Variants in TTC19 observed in about 807,000 individuals in gnomAD.
The protein encoded by TTC19 is tetratricopeptide repeat protein 19, mitochondrial.
TTC19 carries 38 observed loss-of-function variants against 49.5 expected under a neutral mutation model. The observed-to-expected ratio is 0.77, with a 90% CI of 0.59 to 1.01. The LOEUF (loss-of-function observed/expected upper bound fraction) is 1.01, where lower values mean the gene tolerates loss of function less well. TTC19 is among the 50% of genes least tolerant of loss of function. The pLI is 0.00. For synonymous variants in TTC19, 204 were observed against 185.2 expected (o/e 1.10, Z -0.83); for missense variants, 475 against 477.7 (o/e 0.99, Z 0.05).
intron 4 of TTC19, 132 bp downstream of exon 4, chr17:16,002,963 T>C (rs1970787225): frequency 1.1e-6 from 1 of 878,902 alleles, no homozygotes. Flanking sequence ...AAGATAAAAG[T>C]GTATTTCTCT....
intron 2 of TTC19, chr17:16,000,485 A>G: frequency 8.4e-7 from 1 of 1,187,968 alleles, no homozygotes; most frequent in Non-Finnish European, 1.1e-6. Flanking sequence ...ATGGCGCCCT[A>G]GGCATCACGC....
downstream of TTC19, chr17:16,032,052 C>G (rs1039598045): frequency 6.5e-6 from 3 of 461,564 alleles, no homozygotes; most frequent in African/African-American, 6.1e-5. Flanking sequence ...CTCTACATCT[C>G]AACCCTCCAC....
intron 2 of TTC19, among the ~76,000 whole-genome samples, chr17:16,001,125 C>A (rs1597447949): frequency 6.6e-6 from 1 of 152,216 alleles, no homozygotes; most frequent in East Asian, 1.9e-4. Flanking sequence ...AATCTATTCT[C>A]CATGCAGAAA....
chr17:16,040,624 A>C, intron 2 of TTC19: 1 of 830,958 alleles, frequency 1.2e-6, no homozygotes, highest in Non-Finnish European at 1.9e-6. Flanking sequence ...TTTCTCACCC[A>C]TTAAGTGAAG....
chr17:16,002,919 T>A, intron 4 of TTC19, 88 bp downstream of exon 4: 1 of 1,225,360 alleles, frequency 8.2e-7, no homozygotes, highest in Non-Finnish European at 1.2e-6. Context: ...TAAGCTGCTA[T>A]AACAAAGAGA....
chr17:16,014,985 T>C (rs1971172435), intron 7 of TTC19, among the ~76,000 whole-genome samples: 1 of 152,236 alleles, frequency 6.6e-6, no homozygotes, highest in African/African-American at 2.4e-5. Context: ...TTAGTACCTG[T>C]GTAGTGCTGG....
Position 16,004,278 on chromosome 17 carries a change from AG to A in TTC19, c.581+19del, listed in dbSNP as rs1970828320. 9.3e-6 allele frequency: 15 copies of A among 1,612,718 alleles called. No homozygotes were observed. The highest frequency in any genetic ancestry group is 1.2e-5 in the Non-Finnish European group (14 of 1,178,644). ...CGCAGAACAGGTAAGTACAGCAGCC[AG>A]GGAGTAGGACTGTGGGCAGGAAACT... On this transcript the variant is annotated intron_variant, in intron 6 of 9. Coordinates refer to ENST00000261647, the MANE Select transcript of TTC19 (RefSeq NM_017775.4).
chr17:16,041,558 C>G (rs2057640892), intron 2 of TTC19, among the ~76,000 whole-genome samples: 1 of 150,846 alleles, frequency 6.6e-6, no homozygotes, highest in African/African-American at 2.4e-5. Context: ...GGATTATAGG[C>G]CCCCCGCCAC....
Position 16,025,087 on chromosome 17 carries a change from C to T in TTC19, c.747C>T (p.Phe249=). 1 of 1,613,976 alleles carries T rather than the reference C, an allele frequency of 6.2e-7. No homozygotes were observed. The highest frequency in any genetic ancestry group is 8.5e-7 in the Non-Finnish European group (1 of 1,179,878). The change falls in exon 8 of 10, where the codon TTC becomes TTT. Residue 249 remains phenylalanine (F), a synonymous_variant. Coordinates refer to ENST00000261647, the MANE Select transcript of TTC19 (RefSeq NM_017775.4). ...ACGCCTGTGCTCGCTACCTTCTGTT[C>T]TCCAAGCAGCCGTCACAGGCACAAA... ...CLDACARYLL[F]SKQPSQAQRM...
chr17:16,030,458 AATT>A (rs1024499643), downstream of TTC19: 4 of 207,322 alleles, frequency 1.9e-5, no homozygotes, highest in Non-Finnish European at 3.9e-5. Context: ...TGGCAATATA[AATT>A]ATTAACAAAC....
At chr17:16,022,362 T>A (rs181041154) in intron 7 of TTC19, among the ~76,000 whole-genome samples, 1 of 151,854 alleles carries the variant, frequency 6.6e-6, no homozygotes, top group East Asian at 1.9e-4. Flanking sequence ...GTTTCATCTA[T>A]AGTGTTACGT....
intron 2 of TTC19, among the ~76,000 whole-genome samples, chr17:16,037,685 T>C (rs972224203): frequency 1.3e-5 from 2 of 152,140 alleles, no homozygotes; most frequent in Non-Finnish European, 2.9e-5. Flanking sequence ...AGAAATAATA[T>C]GTAAAGGAAA....
chr17:16,027,229 TG>T, intron 9 of TTC19, 144 bp from the exon 10 acceptor site: 1 of 905,324 alleles, frequency 1.1e-6, no homozygotes, highest in Non-Finnish European at 1.7e-6. Flanking sequence ...GCCTGTCAGA[TG>T]GGGATGAAAT....
intron 7 of TTC19, among the ~76,000 whole-genome samples, chr17:16,010,167 ATTT>A (rs1201745186): frequency 2.8e-5 from 3 of 108,212 alleles, no homozygotes; most frequent in Admixed American, 1.1e-4. Flanking sequence ...TTAATTTTTA[ATTT>A]TTTTTTTTTT....
At chr17:16,015,880 A>G (rs1971199454) in intron 7 of TTC19, among the ~76,000 whole-genome samples, 1 of 152,084 alleles carries the variant, frequency 6.6e-6, no homozygotes, top group Non-Finnish European at 1.5e-5. Flanking sequence ...TGGCACCTAT[A>G]TTTTACTATT....
At chr17:16,032,844 C>G (rs1466860342), downstream of TTC19, among the ~76,000 whole-genome samples, 1 of 152,158 alleles carries the variant, frequency 6.6e-6, no homozygotes, top group Non-Finnish European at 1.5e-5. Context: ...AAGAGAAATG[C>G]AAGAGTATAG....
Position 16,024,599 on chromosome 17 carries a change from C to T in TTC19, c.677-418C>T, listed in dbSNP as rs968088884. ...TGATTACAGGTGTGAGCCACCGCGC[C>T]CGGCCTTTACGTTGAATTCTTTAAA... On this transcript the variant is annotated intron_variant, in intron 7 of 9. Coordinates refer to ENST00000261647, the MANE Select transcript of TTC19 (RefSeq NM_017775.4). 4 of 258,884 alleles carry T rather than the reference C, an allele frequency of 1.5e-5. No individual in the cohort carries two copies. The Admixed American group carries it at 2.1e-4, about 13-fold the overall frequency. 16.0% of individuals were successfully genotyped at this position (258,884 alleles called of 1,614,324 possible). A position where few individuals can be genotyped will look rare whatever the true frequency, so the allele number is the denominator to read the frequency against.
chr17:16,025,914 C>T (rs1244836408), intron 8 of TTC19, among the ~76,000 whole-genome samples: 1 of 152,072 alleles, frequency 6.6e-6, no homozygotes, highest in Non-Finnish European at 1.5e-5. Flanking sequence ...TATGAAGAGT[C>T]CCTTAATGGA....
intron 7 of TTC19, among the ~76,000 whole-genome samples, chr17:16,020,133 G>C (rs1971327924): frequency 6.6e-6 from 1 of 152,086 alleles, no homozygotes; most frequent in Admixed American, 6.6e-5. Context: ...AAACCAAATT[G>C]CTGATCAAAG....
Sources: gnomAD v4.1 joint callset for allele counts (sites outside exome capture counted in the v4.1 genomes callset) on GRCh38, gnomAD v4.1.1 for gene constraint, MANE v1.5 for transcripts, NCBI Gene and HGNC (gene_info 2026-07-23, HGNC 2026-07-21) for gene names.